LRRK1: variants seen among roughly 807,000 people sequenced by gnomAD.
LRRK1 encodes the protein leucine-rich repeat serine/threonine-protein kinase 1.
LRRK1 carries 113 observed loss-of-function variants against 209.1 expected under a neutral mutation model. The observed-to-expected ratio is 0.54, with a 90% CI of 0.46 to 0.63. The LOEUF (loss-of-function observed/expected upper bound fraction) is 0.63. Among genes scored for constraint, LRRK1 ranks in the 30% least tolerant of loss-of-function variants. The pLI, the probability that LRRK1 is intolerant of heterozygous loss-of-function variation, is 0.00. For missense variants in LRRK1, 2,284 were observed against 2,632.2 expected, an observed-to-expected ratio of 0.87 and a Z score of 2.89; for synonymous variants, 1,144 against 1,099.7, an observed-to-expected ratio of 1.04 and a Z score of -0.80.
At chr15:100,950,909 C>T (rs753936946) in intron 2 of LRRK1, among the ~76,000 whole-genome samples, 2 of 152,186 alleles carry the variant, frequency 1.3e-5, no homozygotes, top group African/African-American at 4.8e-5. Flanking sequence ...CGAGACCATC[C>T]TGGCTAACAC....
chr15:100,962,823 A>ATTTT lies in LRRK1; in HGVS notation c.98-10967_98-10964dup, dbSNP rs1161979293. Reference sequence around the variant, plus strand: ...TATATATATATATATATATATATATATTTTTTTTTTTTTTTTTGAGATGGA... The same window carrying ATTTT: ...TATATATATATATATATATATATATATTTTTTTTTTTTTTTTTTTTTGAGATGGA... On this transcript the variant is annotated intron_variant, in intron 2 of 33. Coordinates refer to ENST00000388948, the MANE Select transcript of LRRK1 (RefSeq NM_024652.6). 1.5e-3 allele frequency among the ~76,000 whole-genome samples: 17 copies of ATTTT among 11,536 alleles called. 1 individual carries two copies. Among genetic ancestry groups the ATTTT allele is most frequent in the Non-Finnish European group, 2.3e-3 (11 of 4,842 alleles). 7.6% of individuals were successfully genotyped at this position (11,536 alleles called of 152,430 possible).
intron 20 of LRRK1, among the ~76,000 whole-genome samples, chr15:101,040,725 G>A (rs940629240): frequency 2.6e-5 from 4 of 152,102 alleles, no homozygotes; most frequent in African/African-American, 9.7e-5. Flanking sequence ...TTATCATTTA[G>A]TTCGAAAGAT....
Position 101,022,350 on chromosome 15 carries a change from G to C in LRRK1, c.1853-33G>C. The C allele has an allele frequency of 6.3e-7, 1 of 1,597,182 alleles. No homozygotes were observed. Among genetic ancestry groups the C allele is most frequent in the East Asian group, 2.2e-5 (1 of 44,656 alleles). Reference sequence around the variant, plus strand: ...CTAAGAGATGTGAGCATGTGCCCACGCAGCTACCCTTCCCCTTAATGATTT... The same window carrying C: ...CTAAGAGATGTGAGCATGTGCCCACCCAGCTACCCTTCCCCTTAATGATTT... On this transcript the variant is annotated intron_variant, in intron 14 of 33. Coordinates refer to ENST00000388948, the MANE Select transcript of LRRK1 (RefSeq NM_024652.6). The surrounding 1 kb of genome is among the most constrained non-coding windows in gnomAD (Gnocchi z 4.0).
chr15:101,023,531 C>T (rs1450585031), intron 15 of LRRK1, among the ~76,000 whole-genome samples: 1 of 152,146 alleles, frequency 6.6e-6, no homozygotes, highest in Non-Finnish European at 1.5e-5. Flanking sequence ...TAGATAAGGC[C>T]ATCCTCATCA....
intron 2 of LRRK1, among the ~76,000 whole-genome samples, chr15:100,972,317 GATAT>G (rs140979590): frequency 2.6e-5 from 2 of 77,462 alleles, no homozygotes; most frequent in Non-Finnish European, 2.8e-5. Context: ...TGTAATTTGG[GATAT>G]ATATATATAT....
In LRRK1 at chr15:100,934,626, CA is replaced by C. The variant is rs71151991; in HGVS notation, c.97+9923del. The stretch of plus-strand genomic sequence containing the variant: ...CCAACATGGCAAAACCCCATCTCTA[CA>C]AAAAAAAAAAAAAAAAAAAAAAAAA... On this transcript the variant is annotated intron_variant, in intron 2 of 33. Transcript: ENST00000388948. 5.3e-3 allele frequency among the ~76,000 whole-genome samples: 386 copies of C among 72,332 alleles called. 4 individuals are homozygous for C. The highest frequency in any genetic ancestry group is 9.3e-3 in the Middle Eastern group (1 of 108). 47.5% of individuals were successfully genotyped at this position (72,332 alleles called of 152,430 possible). A position where few individuals can be genotyped will look rare whatever the true frequency, so the allele number is the denominator to read the frequency against.
In LRRK1 at chr15:101,027,756, C is replaced by T. The variant is rs201854079; in HGVS notation, c.2645C>T (p.Thr882Met). 1.3e-5 allele frequency: 21 copies of T among 1,602,064 alleles called. No homozygotes were observed. The highest frequency in any genetic ancestry group is 3.3e-4 in the Middle Eastern group (2 of 6,042). The change falls in exon 19 of 34, where the codon ACG becomes ATG. Residue 882 changes from threonine to methionine, a missense_variant. This residue lies in a region of LRRK1 where 780 missense variants were observed against 985.2 expected (regional missense o/e 0.79). Transcript: ENST00000388948. This position sits in a 1 kb window ranked among gnomAD's most constrained non-coding sequence, Gnocchi z 5.1. The part of the protein sequence containing the change: ...DRQLEQLVEQ[T>M]PDNDIKDYED... ...CAGCTGGAGCAGCTGGTGGAGCAGACGCCCGACAACGACATCAAGGACTAC... is the reference window on the plus strand; with the variant it reads ...CAGCTGGAGCAGCTGGTGGAGCAGATGCCCGACAACGACATCAAGGACTAC...
In LRRK1 at chr15:100,983,781, T is replaced by A. The variant is rs369149126; in HGVS notation, c.433+82T>A. The stretch of plus-strand genomic sequence containing the variant: ...TCACCCCAAAATGTTTACTTCTTCA[T>A]GCTTTCACCAATAATGAGATCAAGA... On this transcript the variant is annotated intron_variant, in intron 4 of 33. Coordinates refer to ENST00000388948, the MANE Select transcript of LRRK1 (RefSeq NM_024652.6). The A allele has an allele frequency of 1.2e-5, 16 of 1,324,702 alleles. No homozygotes were observed. In the African/African-American group the frequency reaches 1.9e-4, roughly 16 times the overall value. The allele number at this position is 1,324,702 out of a possible 1,614,324, so 82.1% of individuals were successfully genotyped here.
Position 101,072,220 on chromosome 15 carries a change from T to C in LRRK1, c.*3372T>C, listed in dbSNP as rs2036833550. On this transcript the variant is annotated 3_prime_UTR_variant, in exon 34 of 34. Coordinates refer to ENST00000388948, the MANE Select transcript of LRRK1 (RefSeq NM_024652.6). ...ATGCACATACCCTCTGACCCAGCAG[T>C]TCCACTTAAGTATTTGGTCCTGAAA... The C allele has an allele frequency of 6.6e-6, 1 of 152,222 alleles. No homozygotes were observed. The highest frequency in any genetic ancestry group is 1.5e-5 in the Non-Finnish European group (1 of 68,036). 9.4% of individuals were successfully genotyped at this position (152,222 alleles called of 1,614,324 possible). A position where few individuals can be genotyped will look rare whatever the true frequency, so the allele number is the denominator to read the frequency against.
chr15:100,967,715 C>T (rs977437593), intron 2 of LRRK1, among the ~76,000 whole-genome samples: 2 of 152,188 alleles, frequency 1.3e-5, no homozygotes, highest in Non-Finnish European at 2.9e-5. Context: ...CATCTATATT[C>T]ATATACCTAC....
At chr15:100,969,572 T>C (rs545164934) in intron 2 of LRRK1, among the ~76,000 whole-genome samples, 3 of 152,266 alleles carry the variant, frequency 2.0e-5, no homozygotes, top group African/African-American at 7.2e-5. Context: ...GCCATGGGGA[T>C]TTACTGCACA....
intron 9 of LRRK1, 59 bp from the exon 10 acceptor site, chr15:101,011,949 G>A: frequency 2.4e-6 from 3 of 1,228,214 alleles, no homozygotes; most frequent in Non-Finnish European, 3.5e-6. Flanking sequence ...AGTCTCAAAG[G>A]CACCACTGCA....
At chr15:101,055,366 G>A (rs2141141175) in intron 27 of LRRK1, 143 bp downstream of exon 27, 1 of 810,226 alleles carries the variant, frequency 1.2e-6, no homozygotes, top group Non-Finnish European at 1.8e-6. Flanking sequence ...GCTCAATGAG[G>A]GAGGTTCTGG....
chr15:100,925,903 C>T (rs1479301453), intron 2 of LRRK1, among the ~76,000 whole-genome samples: 1 of 152,222 alleles, frequency 6.6e-6, no homozygotes, highest in Non-Finnish European at 1.5e-5. Context: ...TGCTAGGCCA[C>T]ACTATGGGAG....
At position 101,071,058 on chromosome 15, in the gene LRRK1, C is replaced by T. The variant is rs564960854; in HGVS notation, c.*2210C>T. 6 of 152,362 alleles carry T rather than the reference C, an allele frequency of 3.9e-5. No individual in the cohort carries two copies. The East Asian group carries it at 9.6e-4, about 24-fold the overall frequency. The allele number at this position is 152,362 out of a possible 1,614,324, so 9.4% of individuals were successfully genotyped here. On this transcript the variant is annotated 3_prime_UTR_variant, in exon 34 of 34. Transcript: ENST00000388948. ...ACAGACAGACCCTTAAACATCAATGCTTGACCTCACCCAACAGCAGGGAAA... is the reference window on the plus strand; with the variant it reads ...ACAGACAGACCCTTAAACATCAATGTTTGACCTCACCCAACAGCAGGGAAA...
In LRRK1 at chr15:100,972,359, AGAGAGTGTGT is replaced by A. The variant is rs1259063780; in HGVS notation, c.98-1443_98-1434del. On this transcript the variant is annotated intron_variant, in intron 2 of 33. Transcript: ENST00000388948. The stretch of plus-strand genomic sequence containing the variant: ...ATGAGAGAGAGAGAGAGAGAGAGAG[AGAGAGTGTGT>A]GTGTGTGTGTGTGTGTGTGTGTGTG... Among the ~76,000 whole-genome samples, 416 of 86,928 alleles carry A rather than the reference AGAGAGTGTGT, an allele frequency of 4.8e-3. 1 individual carries two copies. Among genetic ancestry groups the A allele is most frequent in the African/African-American group, 0.019 (380 of 19,932 alleles). 57.0% of individuals were successfully genotyped at this position (86,928 alleles called of 152,430 possible).
intron 2 of LRRK1, among the ~76,000 whole-genome samples, chr15:100,938,984 T>G (rs1438612212): frequency 1.3e-5 from 2 of 152,144 alleles, no homozygotes; most frequent in Non-Finnish European, 2.9e-5. Flanking sequence ...TCCCAGCTAC[T>G]CGGGAGACTG....
At chr15:100,949,542 C>T (rs1357878117) in intron 2 of LRRK1, among the ~76,000 whole-genome samples, 2 of 152,064 alleles carry the variant, frequency 1.3e-5, no homozygotes, top group African/African-American at 4.8e-5. Context: ...ACCAGTATTA[C>T]CCTGAAGCCA....
In LRRK1 at chr15:101,074,009, T is replaced by C. The variant is rs906695408; in HGVS notation, c.*5161T>C. The C allele has an allele frequency of 7.9e-5, 12 of 152,208 alleles. No homozygotes were observed. The highest frequency in any genetic ancestry group is 2.9e-4 in the African/African-American group (12 of 41,534). 9.4% of individuals were successfully genotyped at this position (152,208 alleles called of 1,614,324 possible). A position where few individuals can be genotyped will look rare whatever the true frequency, so the allele number is the denominator to read the frequency against. ...TCCTGCAAGATCTAAATAATTCTTG[T>C]CGTAAAATGGGCAAATGGTCTGAGG... On this transcript the variant is annotated 3_prime_UTR_variant, in exon 34 of 34. Transcript: ENST00000388948.
Sources: gnomAD v4.1 joint callset for allele counts (sites outside exome capture counted in the v4.1 genomes callset) on GRCh38, gnomAD v4.1.1 for gene constraint, gnomAD v4.1.1 regional missense constraint, Gnocchi (gnomAD v3.1) non-coding constraint, MANE v1.5 for transcripts, NCBI Gene and HGNC (gene_info 2026-07-23, HGNC 2026-07-21) for gene names.